Variants in AMOTL1 observed in about 807,000 individuals in gnomAD.
AMOTL1 encodes the protein angiomotin-like protein 1.
AMOTL1 carries 45 observed loss-of-function variants against 102.9 expected under a neutral mutation model. The observed-to-expected ratio is 0.44, with a 90% CI of 0.34 to 0.56. The LOEUF (loss-of-function observed/expected upper bound fraction) is 0.56, where lower values mean the gene tolerates loss of function less well. Ranked by LOEUF, AMOTL1 falls within the 20% of genes least tolerant of loss-of-function variation. AMOTL1 has a pLI of 0.01. For synonymous variants in AMOTL1, 481 were observed against 484.7 expected, an observed-to-expected ratio of 0.99 and a Z score of 0.10; for missense variants, 1,114 against 1,225.6, an observed-to-expected ratio of 0.91 and a Z score of 1.36.
intron 3 of AMOTL1, among the ~76,000 whole-genome samples, chr11:94,742,091 G>T (rs1366161780): frequency 6.6e-6 from 1 of 152,214 alleles, no homozygotes; most frequent in Non-Finnish European, 1.5e-5. Flanking sequence ...GCATTCTGTG[G>T]CTGGGAGGAG....
chr11:94,859,417 G>A, intron 8 of AMOTL1, 108 bp from the exon 9 acceptor site: 1 of 1,087,990 alleles, frequency 9.2e-7, no homozygotes. Context: ...GTAGCATGGT[G>A]TGTGAATTGC....
intron 7 of AMOTL1, among the ~76,000 whole-genome samples, chr11:94,850,492 C>G (rs1385234562): frequency 1.3e-5 from 2 of 152,238 alleles, no homozygotes; most frequent in African/African-American, 4.8e-5. Flanking sequence ...AGCACTCACA[C>G]TCGGTGTGAA....
intron 1 of AMOTL1, among the ~76,000 whole-genome samples, chr11:94,724,974 A>G (rs1215217591): frequency 6.6e-6 from 1 of 152,136 alleles, no homozygotes; most frequent in Non-Finnish European, 1.5e-5. Context: ...ATGGGGCCAT[A>G]TAGAGGCAAT....
intron 10 of AMOTL1, among the ~76,000 whole-genome samples, chr11:94,865,354 A>T (rs931577419): frequency 7.2e-5 from 11 of 152,248 alleles, no homozygotes; most frequent in African/African-American, 2.6e-4. Context: ...TTCACTACCT[A>T]AGGGCTTGTG....
At position 94,826,273 on chromosome 11, in the gene AMOTL1, A is replaced by G. The variant is rs530097305; in HGVS notation, c.1414-3777A>G. Reference sequence around the variant, plus strand: ...GTGTCACTGCACTCCAGCCTAGGTGATGGAATGAGACTGTCAAAAAGCAAA... The same window carrying G: ...GTGTCACTGCACTCCAGCCTAGGTGGTGGAATGAGACTGTCAAAAAGCAAA... On this transcript the variant is annotated intron_variant, in intron 4 of 12. Coordinates refer to ENST00000433060, the MANE Select transcript of AMOTL1 (RefSeq NM_130847.3). Among the ~76,000 whole-genome samples the G allele has an allele frequency of 1.8e-3, 267 of 152,338 alleles. 3 individuals carry two copies. The highest frequency in any genetic ancestry group is 5.9e-3 in the African/African-American group (245 of 41,572).
intron 3 of AMOTL1, among the ~76,000 whole-genome samples, chr11:94,812,727 T>G (rs933686213): frequency 4.6e-5 from 7 of 152,070 alleles, no homozygotes; most frequent in Admixed American, 4.6e-4. Context: ...GGCTTAGTGA[T>G]TTTGGGGTCC....
intron 1 of AMOTL1, among the ~76,000 whole-genome samples, chr11:94,771,534 A>AT (rs1565345909): frequency 6.6e-6 from 1 of 152,000 alleles, no homozygotes; most frequent in African/African-American, 2.4e-5. Context: ...TTGCCTAGTG[A>AT]TTTTTTTAAA....
chr11:94,840,203 C>T (rs534421304), intron 6 of AMOTL1, among the ~76,000 whole-genome samples: 5 of 152,222 alleles, frequency 3.3e-5, no homozygotes, highest in African/African-American at 4.8e-5. Context: ...CGAGTAACTC[C>T]GTGGTGTGGT....
At chr11:94,809,222 C>A (rs761017704) in intron 3 of AMOTL1, among the ~76,000 whole-genome samples, 1 of 152,060 alleles carries the variant, frequency 6.6e-6, no homozygotes. Context: ...CCACCCACCT[C>A]GGCCTCCCAA....
chr11:94,774,001 A>G (rs949109962), intron 1 of AMOTL1, among the ~76,000 whole-genome samples: 3 of 152,218 alleles, frequency 2.0e-5, no homozygotes, highest in African/African-American at 7.2e-5. Context: ...AAATGGGGAA[A>G]ATAATAGTTC....
intron 7 of AMOTL1, among the ~76,000 whole-genome samples, chr11:94,852,774 T>C (rs1033789786): frequency 6.6e-6 from 1 of 152,192 alleles, no homozygotes. Flanking sequence ...TAAAGGACTC[T>C]GAAATCTTTA....
At position 94,864,737 on chromosome 11, in the gene AMOTL1, A is replaced by T. The variant is rs1375252766; in HGVS notation, c.2138A>T (p.Asp713Val). The T allele has an allele frequency of 1.2e-6, 2 of 1,613,260 alleles. No homozygotes were observed. Among genetic ancestry groups the T allele is most frequent in the Non-Finnish European group, 1.7e-6 (2 of 1,179,442 alleles). The part of the protein sequence containing the change: ...NAAATAAAER[D>V]TTIINHSRNG... ...AACGCATATCCTTGTGTTGCCAGGG[A>T]CACCACGATCATCAACCACTCACGG... The change falls in exon 10 of 13, where the codon GAC (aspartate) becomes GTC (valine). Residue 713 changes from aspartate to valine, a missense_variant and splice_region_variant. By Grantham distance (152) the Asp-to-Val change is radical (BLOSUM62 -3). Transcript: ENST00000433060.
At position 94,795,125 on chromosome 11, in the gene AMOTL1, C is replaced by A. The variant is rs202120027; in HGVS notation, c.164C>A (p.Thr55Lys). The A allele has an allele frequency of 3.7e-6, 6 of 1,613,836 alleles. No individual in the cohort carries two copies. In the Middle Eastern group the frequency reaches 4.9e-4, roughly 133 times the overall value. Residue 55 changes from threonine (T) to lysine (K), a missense_variant, in exon 2 of 13, where the codon ACG becomes AAG. Thr to Lys is a moderately conservative substitution (Grantham distance 78, BLOSUM62 -1). Coordinates refer to ENST00000433060, the MANE Select transcript of AMOTL1 (RefSeq NM_130847.3). Reference protein sequence around the residue: ...YSGRHETSALTVEATSSIREK... With the variant: ...YSGRHETSALKVEATSSIREK... Reference sequence around the variant, plus strand: ...GGGAGGCATGAAACATCTGCTTTGACGGTGGAGGCAACCAGTAGCATCAGG... The same window carrying A: ...GGGAGGCATGAAACATCTGCTTTGAAGGTGGAGGCAACCAGTAGCATCAGG...
intron 2 of AMOTL1, among the ~76,000 whole-genome samples, chr11:94,735,756 G>A (rs188263064): frequency 3.7e-4 from 57 of 152,132 alleles, no homozygotes; most frequent in African/African-American, 1.3e-3. Context: ...TTTAGTTTGC[G>A]GATGGAGATT....
chr11:94,743,355 G>A (rs1950551192), intron 3 of AMOTL1, among the ~76,000 whole-genome samples: 1 of 152,164 alleles, frequency 6.6e-6, no homozygotes, highest in Non-Finnish European at 1.5e-5. Context: ...TGGGTACTTG[G>A]TGTCCCCAAG....
rs7123560 is a variant in AMOTL1, at chr11:94,790,288, T to G, written c.50-4723T>G. Among the ~76,000 whole-genome samples, 1,082 of 152,246 alleles carry G rather than the reference T, an allele frequency of 7.1e-3. 15 individuals carry two copies. The highest frequency in any genetic ancestry group is 0.033 in the South Asian group (160 of 4,822). On this transcript the variant is annotated intron_variant, in intron 1 of 12. Transcript: ENST00000433060. ...CAGTACACTGCCTGTCTTCAAAGGG[T>G]AATGACTTCACCAGGGCCATAACAC...
At chr11:94,772,115 C>T (rs1240188062) in intron 1 of AMOTL1, among the ~76,000 whole-genome samples, 1 of 152,114 alleles carries the variant, frequency 6.6e-6, no homozygotes, top group Non-Finnish European at 1.5e-5. Flanking sequence ...CACCCAGTTT[C>T]CCCCATTGGT....
In AMOTL1 at chr11:94,774,472, C is replaced by T. The variant is rs575289034; in HGVS notation, c.49+5912C>T. ...TAAGTCAGGGCTGATGTCACCAGGC[C>T]GTGTCTCAAATTTCATAACTGGCAG... On this transcript the variant is annotated intron_variant, in intron 1 of 12. Coordinates refer to ENST00000433060, the MANE Select transcript of AMOTL1 (RefSeq NM_130847.3). Among the ~76,000 whole-genome samples the T allele has an allele frequency of 3.3e-5, 5 of 152,188 alleles. No homozygotes were observed. The East Asian group carries it at 5.8e-4, about 18-fold the overall frequency.
chr11:94,753,325 T>TC (rs1373860047), intron 3 of AMOTL1, among the ~76,000 whole-genome samples: 1 of 148,020 alleles, frequency 6.8e-6, no homozygotes, highest in Non-Finnish European at 1.5e-5. Context: ...TTTTTTTTTT[T>TC]CCTGTCTTCC....
Sources: allele counts gnomAD v4.1 joint callset (sites outside exome capture counted in the v4.1 genomes callset), GRCh38; gene constraint gnomAD v4.1.1; transcripts MANE v1.5; gene names NCBI Gene and HGNC (gene_info 2026-07-23, HGNC 2026-07-21).